The following CCDC137 variants were observed in gnomAD, a reference collection of about 807,000 sequenced individuals.
CCDC137 encodes coiled-coil domain containing 137.
Under a neutral mutation model 30.4 loss-of-function variants are expected in CCDC137, and 24 were observed. That is an observed-to-expected ratio of 0.79 (90% CI 0.57 to 1.11). The LOEUF is 1.11. Ranked by LOEUF, CCDC137 falls within the 50% of genes least tolerant of loss-of-function variation. The pLI, the probability that CCDC137 is intolerant of heterozygous loss-of-function variation, is 0.00. For synonymous variants in CCDC137, 182 were observed against 155.7 expected, an observed-to-expected ratio of 1.17 and a Z score of -1.26; for missense variants, 417 against 380.4, an observed-to-expected ratio of 1.10 and a Z score of -0.80.
chr17:81,669,078 C>T (rs1255874230), intron 2 of CCDC137, among the ~76,000 whole-genome samples: 7 of 152,056 alleles, frequency 4.6e-5, no homozygotes, highest in South Asian at 2.1e-4. Flanking sequence ...TTAGTAGAGA[C>T]GAGGTTTCAC....
rs766156952 is a variant in CCDC137 at position 81,672,595 on chromosome 17, A to G, written c.761A>G (p.Glu254Gly). Residue 254 changes from glutamate (E) to glycine (G), a missense_variant, in exon 6 of 6, where the codon GAG becomes GGG. Transcript: ENST00000329214. ...GCCCGCCAGCGGATTGTGGAGGAGGAGAGAGAGCGGGCCGTGCAGGCCTAC... is the reference window on the plus strand; with the variant it reads ...GCCCGCCAGCGGATTGTGGAGGAGGGGAGAGAGCGGGCCGTGCAGGCCTAC... Reference protein sequence around the residue: ...SLARQRIVEEERERAVQAYRA... With the variant: ...SLARQRIVEEGRERAVQAYRA... 6.3e-7 allele frequency: 1 copy of G among 1,585,770 alleles called. No individual in the cohort carries two copies. Among genetic ancestry groups the G allele is most frequent in the Middle Eastern group, 1.7e-4 (1 of 6,026 alleles).
intron 4 of CCDC137, 96 bp from the exon 5 acceptor site, chr17:81,671,980 C>T: frequency 6.6e-7 from 1 of 1,504,422 alleles, no homozygotes; most frequent in Non-Finnish European, 9.2e-7. Context: ...TGTTCTGTCC[C>T]AGCCCTATGG....
At chr17:81,672,281 G>C in intron 5 of CCDC137, 126 bp downstream of exon 5, 1 of 1,041,682 alleles carries the variant, frequency 9.6e-7, no homozygotes, top group Non-Finnish European at 1.4e-6. Flanking sequence ...AAGGCAGGCG[G>C]ATTGCTTGAG....
intron 3 of CCDC137, 49 bp downstream of exon 3, chr17:81,670,502 A>T: frequency 6.6e-7 from 1 of 1,524,252 alleles, no homozygotes. Flanking sequence ...GCCGGAGGGA[A>T]GACATTGGGT....
At chr17:81,669,941 G>T (rs1285604416) in intron 2 of CCDC137, 2 of 417,840 alleles carry the variant, frequency 4.8e-6, no homozygotes, top group South Asian at 2.6e-5. Flanking sequence ...GATCAGAGGA[G>T]AATTCATTCA....
chr17:81,667,988 G>A (rs184933269), intron 2 of CCDC137, 126 bp downstream of exon 2: 110 of 1,208,474 alleles, frequency 9.1e-5, no homozygotes, highest in Middle Eastern at 2.9e-4. Context: ...GAAGGTGGGG[G>A]AGCGTGGCCA....
chr17:81,667,906 C>G (rs1342271765), intron 2 of CCDC137, 44 bp downstream of exon 2: 6 of 1,593,736 alleles, frequency 3.8e-6, no homozygotes, highest in Admixed American at 1.8e-5. Context: ...CTTTGTGTGT[C>G]TCAACCCGCC....
chr17:81,670,606 C>T (rs935012397), intron 3 of CCDC137, among the ~76,000 whole-genome samples, 153 bp downstream of exon 3: 2 of 152,126 alleles, frequency 1.3e-5, no homozygotes, highest in Non-Finnish European at 2.9e-5. Context: ...GTTGGCGAGT[C>T]GGAGCATCCA....
At chr17:81,666,985 G>T in intron 1 of CCDC137, 85 bp downstream of exon 1, 2 of 1,221,890 alleles carry the variant, frequency 1.6e-6, no homozygotes, top group South Asian at 3.9e-5. Context: ...CCTAGGGAGC[G>T]TTCGCTCGGA....
intron 3 of CCDC137, 81 bp downstream of exon 3, chr17:81,670,534 G>C (rs891643897): frequency 4.2e-5 from 53 of 1,270,664 alleles, no homozygotes; most frequent in Non-Finnish European, 5.7e-5. Flanking sequence ...CCCTCTGCAG[G>C]TACCCTGTTT....
intron 2 of CCDC137, among the ~76,000 whole-genome samples, chr17:81,668,731 T>A (rs1410621640): frequency 6.6e-6 from 1 of 152,152 alleles, no homozygotes; most frequent in African/African-American, 2.4e-5. Flanking sequence ...GATGGAGTCT[T>A]GCTTCCTCGC....
chr17:81,671,653 A>C, intron 3 of CCDC137, 91 bp from the exon 4 acceptor site: 2 of 1,287,118 alleles, frequency 1.6e-6, no homozygotes, highest in Non-Finnish European at 2.2e-6. Flanking sequence ...GCTCTGCCAC[A>C]GGGGATCCCT....
rs1598733722 is a variant in CCDC137 at position 81,670,444 on chromosome 17, C to A, written c.488C>A (p.Ala163Glu). The A allele has an allele frequency of 1.2e-6, 2 of 1,608,266 alleles. No individual in the cohort carries two copies. The highest frequency in any genetic ancestry group is 1.7e-6 in the Non-Finnish European group (2 of 1,178,378). The change falls in exon 3 of 6, where the codon GCA becomes GAA. Residue 163 changes from alanine (A) to glutamate (E), a missense_variant. By Grantham distance (107) the Ala-to-Glu change is moderately radical. Transcript: ENST00000329214. Reference sequence around the variant, plus strand: ...AAGGAGAAGTCTGAGCAGAAAAAAGCAAAAAAAGCGTGAGTGGAGGCGGGA... The same window carrying A: ...AAGGAGAAGTCTGAGCAGAAAAAAGAAAAAAAAGCGTGAGTGGAGGCGGGA... ...APKEKSEQKK[A>E]KKAFQKRRLD...
chr17:81,673,038 G>T lies in CCDC137; in HGVS notation c.*334G>T. The T allele has an allele frequency of 2.6e-6, 1 of 380,776 alleles. No individual in the cohort carries two copies. Among genetic ancestry groups the T allele is most frequent in the Non-Finnish European group, 4.9e-6 (1 of 206,104 alleles). 23.6% of individuals were successfully genotyped at this position (380,776 alleles called of 1,614,324 possible). A position where few individuals can be genotyped will look rare whatever the true frequency, so the allele number is the denominator to read the frequency against. ...CACCAAATACCGAGACAGCTGATGA[G>T]GCTGGCTCAGTGTGTGACGGAGGCC... On this transcript the variant is annotated 3_prime_UTR_variant, in exon 6 of 6. Coordinates refer to ENST00000329214, the MANE Select transcript of CCDC137 (RefSeq NM_199287.3).
intron 2 of CCDC137, among the ~76,000 whole-genome samples, chr17:81,669,603 A>G (rs2036693866): frequency 1.3e-5 from 2 of 150,906 alleles, no homozygotes; most frequent in South Asian, 4.2e-4. Flanking sequence ...TCAGTCGCCC[A>G]GGCTGGAGTG....
chr17:81,672,822 G>C lies in CCDC137; in HGVS notation c.*118G>C. The C allele has an allele frequency of 1.0e-6, 1 of 956,754 alleles. No homozygotes were observed. Among genetic ancestry groups the C allele is most frequent in the Non-Finnish European group, 1.5e-6 (1 of 657,336 alleles). 59.3% of individuals were successfully genotyped at this position (956,754 alleles called of 1,614,324 possible). ...TGTGGGGTGAGGCCTCCAGCTACTT[G>C]TTCACACGTTGGGCACTAGTGGGTC... On this transcript the variant is annotated 3_prime_UTR_variant, in exon 6 of 6. Transcript: ENST00000329214.
chr17:81,671,566 C>G, intron 3 of CCDC137, 178 bp from the exon 4 acceptor site: 1 of 607,784 alleles, frequency 1.6e-6, no homozygotes, highest in Non-Finnish European at 2.9e-6. Context: ...TCAGAGCCTT[C>G]TTTGGTGGGC....
chr17:81,667,597 G>T, intron 1 of CCDC137, 132 bp from the exon 2 acceptor site: 2 of 964,230 alleles, frequency 2.1e-6, no homozygotes, highest in Admixed American at 4.8e-5. Context: ...AAAGTGCAGG[G>T]ATTACAGGCG....
intron 1 of CCDC137, 59 bp from the exon 2 acceptor site, chr17:81,667,670 T>G: frequency 6.3e-7 from 1 of 1,597,556 alleles, no homozygotes; most frequent in Non-Finnish European, 8.5e-7. Flanking sequence ...TTGTTTCTCT[T>G]ACTGATTCTG....
Sources: allele counts gnomAD v4.1 joint callset (sites outside exome capture counted in the v4.1 genomes callset), GRCh38; gene constraint gnomAD v4.1.1; transcripts MANE v1.5; gene names NCBI Gene and HGNC (gene_info 2026-07-23, HGNC 2026-07-21).